Variants in KHDRBS2 observed in about 807,000 individuals in gnomAD.
The protein encoded by KHDRBS2 is KH domain-containing, RNA-binding, signal transduction-associated protein 2.
Under a neutral mutation model 44.3 loss-of-function variants are expected in KHDRBS2, and 26 were observed. That is an observed-to-expected ratio of 0.59 (90% CI 0.43 to 0.81). KHDRBS2 has a LOEUF of 0.81. KHDRBS2 is among the 40% of genes least tolerant of loss of function. KHDRBS2 has a pLI of 0.00. For synonymous variants in KHDRBS2, 194 were observed against 151.1 expected (o/e 1.28, Z -2.08); for missense variants, 476 against 433.1 (o/e 1.10, Z -0.88).
chr6:61,669,885 G>A, the KHDRBS2 span, among the ~76,000 whole-genome samples: 26 of 150,778 alleles, frequency 1.7e-4, no homozygotes, highest in Non-Finnish European at 3.1e-4. Context: ...ATTGGAAATG[G>A]GTATTAGCTT....
chr6:62,143,344 C>T (rs1480382085), intron 2 of KHDRBS2, among the ~76,000 whole-genome samples: 1 of 151,902 alleles, frequency 6.6e-6, no homozygotes, highest in African/African-American at 2.4e-5. Context: ...TGAATATAGG[C>T]TTTGCCTTTT....
the KHDRBS2 span, among the ~76,000 whole-genome samples, chr6:61,642,205 A>T: frequency 6.6e-6 from 1 of 152,004 alleles, no homozygotes; most frequent in African/African-American, 2.4e-5. Context: ...TATTTTTTAT[A>T]TTTTATTTGT....
At chr6:61,616,755 T>G in the KHDRBS2 span, among the ~76,000 whole-genome samples, 2 of 152,100 alleles carry the variant, frequency 1.3e-5, no homozygotes, top group Non-Finnish European at 2.9e-5. Flanking sequence ...TCAAGTGGCT[T>G]GCAAAGTCCA....
the KHDRBS2 span, among the ~76,000 whole-genome samples, chr6:61,616,185 A>G: frequency 1.3e-5 from 2 of 152,108 alleles, no homozygotes; most frequent in African/African-American, 4.8e-5. Flanking sequence ...TGAGAATGAG[A>G]GTTTAGGTGT....
intron 3 of KHDRBS2, among the ~76,000 whole-genome samples, chr6:62,037,506 A>G (rs1301766486): frequency 4.6e-5 from 7 of 151,998 alleles, no homozygotes; most frequent in Non-Finnish European, 7.4e-5. Flanking sequence ...AAAATATTCC[A>G]TAAGAGTTTA....
intron 1 of KHDRBS2, among the ~76,000 whole-genome samples, chr6:62,179,333 C>T (rs936582953): frequency 2.6e-5 from 4 of 151,638 alleles, no homozygotes; most frequent in African/African-American, 9.7e-5. Flanking sequence ...TCTATAATTT[C>T]TACTTAGTGT....
the KHDRBS2 span, among the ~76,000 whole-genome samples, chr6:61,566,179 TA>T: frequency 2.6e-5 from 4 of 151,958 alleles, no homozygotes; most frequent in Non-Finnish European, 4.4e-5. Flanking sequence ...ATGTGGGAGC[TA>T]AAAAACTTGA....
intron 2 of KHDRBS2, among the ~76,000 whole-genome samples, chr6:62,069,214 G>T (rs1256992781): frequency 6.6e-6 from 1 of 151,526 alleles, no homozygotes; most frequent in South Asian, 2.1e-4. Flanking sequence ...TAACTAGACA[G>T]TTGATTAACT....
chr6:61,958,216 G>A (rs1226428229), intron 4 of KHDRBS2, among the ~76,000 whole-genome samples: 1 of 151,984 alleles, frequency 6.6e-6, no homozygotes, highest in African/African-American at 2.4e-5. Flanking sequence ...TAATTTCTTT[G>A]TGGACACAAT....
intron 6 of KHDRBS2, among the ~76,000 whole-genome samples, chr6:61,888,424 G>A (rs1045383161): frequency 1.3e-5 from 2 of 152,042 alleles, no homozygotes; most frequent in African/African-American, 4.8e-5. Context: ...CTGGGTGGAG[G>A]TATTGTACTA....
chr6:61,690,114 G>A (rs1767230339), intron 8 of KHDRBS2, among the ~76,000 whole-genome samples: 1 of 151,508 alleles, frequency 6.6e-6, no homozygotes, highest in Admixed American at 6.6e-5. Flanking sequence ...TTTTAATCAT[G>A]CTCTCTTTTA....
chr6:61,862,289 T>G (rs1370187598), intron 6 of KHDRBS2, among the ~76,000 whole-genome samples: 15 of 152,138 alleles, frequency 9.9e-5, no homozygotes. Context: ...CTTCCTCTCT[T>G]CCTATTTGTA....
chr6:61,853,494 G>A lies in KHDRBS2; in HGVS notation c.810+41141C>T, dbSNP rs192260398. On this transcript the variant is annotated intron_variant, in intron 6 of 8. Coordinates refer to ENST00000281156, the MANE Select transcript of KHDRBS2 (RefSeq NM_152688.4). ...AGGAAATGTACTAAAATCTTAATGA[G>A]GACTTTTGTCTCCTCCAACCTTGCA... is the stretch of plus-strand genomic sequence containing the variant. Among the ~76,000 whole-genome samples the A allele has an allele frequency of 2.9e-3, 435 of 152,208 alleles. 3 individuals carry two copies. The highest frequency in any genetic ancestry group is 9.7e-3 in the African/African-American group (403 of 41,536).
At chr6:61,803,307 G>C (rs1786585757) in intron 6 of KHDRBS2, among the ~76,000 whole-genome samples, 1 of 152,136 alleles carries the variant, frequency 6.6e-6, no homozygotes, top group Non-Finnish European at 1.5e-5. Flanking sequence ...GTGATTCCCA[G>C]CACACTGTTC....
chr6:61,915,028 TAATAA>T, intron 4 of KHDRBS2, among the ~76,000 whole-genome samples: 1 of 152,084 alleles, frequency 6.6e-6, no homozygotes, highest in African/African-American at 2.4e-5. Context: ...CAATCCAAAA[TAATAA>T]CCCAGTTTTC....
At position 61,907,145 on chromosome 6, in the gene KHDRBS2, C is replaced by T. The variant is rs113830289; in HGVS notation, c.484-5774G>A. Among the ~76,000 whole-genome samples the T allele has an allele frequency of 5.6e-4, 85 of 152,102 alleles. 1 individual carries two copies. Among genetic ancestry groups the T allele is most frequent in the African/African-American group, 1.9e-3 (78 of 41,512 alleles). On this transcript the variant is annotated intron_variant, in intron 4 of 8. Transcript: ENST00000281156. The stretch of plus-strand genomic sequence containing the variant: ...ATTGCAGTTTTGATTTGCATTTCTC[C>T]GATGATTAATAATGTTGAGCATTTT...
intron 7 of KHDRBS2, among the ~76,000 whole-genome samples, chr6:61,715,147 GT>G (rs1282887796): frequency 1.3e-5 from 2 of 151,796 alleles, no homozygotes; most frequent in Non-Finnish European, 2.9e-5. Flanking sequence ...CCTGGAGGCT[GT>G]TTTTTTAACA....
chr6:62,202,202 T>C (rs1309709077), intron 1 of KHDRBS2, among the ~76,000 whole-genome samples: 1 of 152,076 alleles, frequency 6.6e-6, no homozygotes, highest in Non-Finnish European at 1.5e-5. Context: ...CTCAAATATG[T>C]GTAATCAGTA....
intron 6 of KHDRBS2, among the ~76,000 whole-genome samples, chr6:61,770,491 A>G (rs1226562281): frequency 6.6e-6 from 1 of 152,198 alleles, no homozygotes. Flanking sequence ...AAGTACTTAA[A>G]GGACCTGATG....
Sources: gnomAD v4.1 joint callset for allele counts (sites outside exome capture counted in the v4.1 genomes callset) on GRCh38, gnomAD v4.1.1 for gene constraint, MANE v1.5 for transcripts, NCBI Gene and HGNC (gene_info 2026-07-23, HGNC 2026-07-21) for gene names.